Variants in ZMIZ1 observed in about 807,000 individuals in gnomAD.
The protein encoded by ZMIZ1 is zinc finger MIZ-type containing 1.
In ZMIZ1, 17 loss-of-function variants were observed where a neutral mutation model predicts 113.9. That is an observed-to-expected ratio of 0.15 (90% CI 0.10 to 0.22). The LOEUF (loss-of-function observed/expected upper bound fraction) is 0.22. Among genes scored for constraint, ZMIZ1 ranks in the 10% least tolerant of loss-of-function variants. ZMIZ1 has a pLI of 1.00. For synonymous variants in ZMIZ1, 607 were observed against 603.1 expected (o/e 1.01, Z -0.09); for missense variants, 1,059 against 1,477.8 (o/e 0.72, Z 4.65).
At chr10:79,211,449 C>A (rs376424827) in intron 6 of ZMIZ1, among the ~76,000 whole-genome samples, 2 of 152,154 alleles carry the variant, frequency 1.3e-5, no homozygotes, top group Non-Finnish European at 2.9e-5. Context: ...CGCACACACA[C>A]CCTCCCTATC....
Position 79,277,227 on chromosome 10 carries a change from C to G in ZMIZ1, c.327C>G (p.Leu109=). 6.3e-7 allele frequency: 1 copy of G among 1,589,438 alleles called. No individual in the cohort carries two copies. The highest frequency in any genetic ancestry group is 8.6e-7 in the Non-Finnish European group (1 of 1,167,590). The change falls in exon 8 of 25, where the codon CTC becomes CTG. Residue 109 remains leucine, a synonymous_variant. Coordinates refer to ENST00000334512, the MANE Select transcript of ZMIZ1 (RefSeq NM_020338.4). ...WCEELGRLLL[L]RHQKSRQSDP... is the part of the protein sequence containing the mutation. ...AAGAGCTCGGCCGCCTGCTGCTGCT[C>G]CGACATCAGAAGAGCCGCCAGAGCG...
chr10:79,291,231 C>G, intron 10 of ZMIZ1, 55 bp downstream of exon 10: 1 of 1,512,070 alleles, frequency 6.6e-7, no homozygotes, highest in Non-Finnish European at 8.9e-7. Context: ...CTTCCTCCTT[C>G]CAGTGGGGAG....
intron 7 of ZMIZ1, among the ~76,000 whole-genome samples, chr10:79,244,774 CT>C (rs1460752380): frequency 6.6e-6 from 1 of 152,172 alleles, no homozygotes; most frequent in Non-Finnish European, 1.5e-5. Flanking sequence ...AGTCAGAAAT[CT>C]GGCTGAGGAG....
chr10:79,201,810 C>T lies in ZMIZ1; in HGVS notation c.60+118C>T, dbSNP rs561153075. 3.6e-6 allele frequency: 4 copies of T among 1,113,068 alleles called. No individual in the cohort carries two copies. In the South Asian group the frequency reaches 4.1e-5, roughly 11 times the overall value. 68.9% of individuals were successfully genotyped at this position (1,113,068 alleles called of 1,614,324 possible). A position where few individuals can be genotyped will look rare whatever the true frequency, so the allele number is the denominator to read the frequency against. On this transcript the variant is annotated intron_variant, in intron 5 of 24. Coordinates refer to ENST00000334512, the MANE Select transcript of ZMIZ1 (RefSeq NM_020338.4). ...CAGGGCCTCCTGACCACCTACCTAT[C>T]GAGGCCGTTATTGGCATGCTGGCAC...
chr10:79,219,044 G>A (rs550747239), intron 7 of ZMIZ1, among the ~76,000 whole-genome samples: 1 of 152,084 alleles, frequency 6.6e-6, no homozygotes, highest in African/African-American at 2.4e-5. Context: ...CACGGGGGGT[G>A]GGGGGACGTG....
intron 2 of ZMIZ1, among the ~76,000 whole-genome samples, chr10:79,130,400 A>G (rs879421389): frequency 1.3e-5 from 2 of 152,184 alleles, no homozygotes; most frequent in Admixed American, 6.5e-5. Flanking sequence ...TGTCCAGTCA[A>G]CACTCCAACC....
At chr10:79,245,794 T>C (rs545388553) in intron 7 of ZMIZ1, among the ~76,000 whole-genome samples, 2 of 152,304 alleles carry the variant, frequency 1.3e-5, no homozygotes, top group South Asian at 4.1e-4. Context: ...TGTTTGTGAA[T>C]TTCAATTAAT....
At position 79,316,211 on chromosome 10, in the gene ZMIZ1, C is replaced by T. The variant is rs1257609312; in HGVS notation, c.*3462C>T. The T allele has an allele frequency of 6.6e-6, 1 of 152,586 alleles. No homozygotes were observed. The highest frequency in any genetic ancestry group is 1.5e-5 in the Non-Finnish European group (1 of 68,034). The allele number at this position is 152,586 out of a possible 1,614,324, so 9.5% of individuals were successfully genotyped here. A position where few individuals can be genotyped will look rare whatever the true frequency, so the allele number is the denominator to read the frequency against. ...CCAGTGCAGCCTGAAGTAACTCCCA[C>T]AGAAACCATCATCGTCTTTGTACAT... On this transcript the variant is annotated 3_prime_UTR_variant, in exon 25 of 25. Transcript: ENST00000334512.
intron 9 of ZMIZ1, 178 bp from the exon 10 acceptor site, chr10:79,290,781 G>C (rs1242200073): frequency 1.3e-6 from 1 of 771,302 alleles, no homozygotes; most frequent in South Asian, 1.5e-5. Flanking sequence ...CTGCCGCCCA[G>C]GCCCGCTCCT....
intron 2 of ZMIZ1, among the ~76,000 whole-genome samples, chr10:79,130,903 G>A (rs1046110990): frequency 1.3e-5 from 2 of 152,044 alleles, no homozygotes; most frequent in African/African-American, 2.4e-5. Flanking sequence ...TTCCAAATGG[G>A]GCCCTCCCAG....
chr10:79,280,180 C>T (rs1313087159), intron 8 of ZMIZ1, among the ~76,000 whole-genome samples: 2 of 151,916 alleles, frequency 1.3e-5, no homozygotes, highest in African/African-American at 4.8e-5. Flanking sequence ...GTAGAGATGG[C>T]ATTGCCCAGG....
intron 3 of ZMIZ1, among the ~76,000 whole-genome samples, chr10:79,144,436 G>A (rs994908149): frequency 2.0e-5 from 3 of 152,160 alleles, no homozygotes; most frequent in East Asian, 3.8e-4. Flanking sequence ...GCCCAGAGAA[G>A]GTAAGACACT....
chr10:79,175,626 GTGTGGAGGTTTT>G lies in ZMIZ1; in HGVS notation c.-50+13495_-50+13506del, dbSNP rs1205228400. ...TGTGTGTGTGTGTGTGTGTGTGTGT[GTGTGGAGGTTTT>G]TACAGACCCGCATGTATGTGTCCCT... is the stretch of plus-strand genomic sequence containing the variant. On this transcript the variant is annotated intron_variant, in intron 4 of 24. Transcript: ENST00000334512. 3.2e-3 allele frequency among the ~76,000 whole-genome samples: 330 copies of G among 103,542 alleles called. 5 individuals are homozygous for G. Among genetic ancestry groups the G allele is most frequent in the South Asian group, 0.013 (34 of 2,650 alleles). The allele number at this position is 103,542 out of a possible 152,430, so 67.9% of individuals were successfully genotyped here.
intron 4 of ZMIZ1, among the ~76,000 whole-genome samples, chr10:79,199,199 T>C (rs1209613086): frequency 6.7e-6 from 1 of 150,338 alleles, no homozygotes; most frequent in Non-Finnish European, 1.5e-5. Context: ...CTAGGAATAC[T>C]GTGCGGCCAT....
intron 1 of ZMIZ1, among the ~76,000 whole-genome samples, chr10:79,080,123 G>T (rs140049762): frequency 2.6e-5 from 4 of 152,070 alleles, no homozygotes; most frequent in Non-Finnish European, 4.4e-5. Flanking sequence ...CTCCCTGCTC[G>T]CAGTCCTCAT....
chr10:79,094,315 C>T (rs542418762), intron 1 of ZMIZ1, among the ~76,000 whole-genome samples: 57 of 152,096 alleles, frequency 3.7e-4, no homozygotes, highest in African/African-American at 1.3e-3. Context: ...GGGGCCAAGG[C>T]GGCCTCTGCT....
At chr10:79,098,100 A>T (rs921624341) in intron 1 of ZMIZ1, among the ~76,000 whole-genome samples, 2 of 152,186 alleles carry the variant, frequency 1.3e-5, no homozygotes, top group African/African-American at 4.8e-5. Context: ...GGGAATGGTC[A>T]AATGATCATT....
chr10:79,255,122 G>A (rs574542456), intron 7 of ZMIZ1, among the ~76,000 whole-genome samples: 22 of 152,294 alleles, frequency 1.4e-4, no homozygotes, highest in African/African-American at 2.4e-4. Context: ...GAGGAGGTTC[G>A]GGTTTCTGCC....
chr10:79,247,169 G>A (rs1349705876), intron 7 of ZMIZ1, among the ~76,000 whole-genome samples: 3 of 152,106 alleles, frequency 2.0e-5, no homozygotes, highest in Non-Finnish European at 2.9e-5. Flanking sequence ...AGGGACCCCC[G>A]CACACCAGAA....
Sources: allele counts gnomAD v4.1 joint callset (sites outside exome capture counted in the v4.1 genomes callset), GRCh38; gene constraint gnomAD v4.1.1; transcripts MANE v1.5; gene names NCBI Gene and HGNC (gene_info 2026-07-23, HGNC 2026-07-21).